The following DCX variants were observed in gnomAD, a reference collection of about 807,000 sequenced individuals.
DCX encodes doublecortin, also known as neuronal migration protein doublecortin.
DCX carries 4 observed loss-of-function variants against 20.9 expected under a neutral mutation model. That is an observed-to-expected ratio of 0.19 (90% CI 0.09 to 0.44). The LOEUF (loss-of-function observed/expected upper bound fraction) is 0.44, where lower values mean the gene tolerates loss of function less well. Ranked by LOEUF, DCX falls within the 20% of genes least tolerant of loss-of-function variation. The pLI is 0.99. For synonymous variants in DCX, 103 were observed against 111.4 expected (o/e 0.92, Z 0.47); for missense variants, 133 against 296.9 (o/e 0.45, Z 4.06).
chrX:111,350,592 A>T (rs1021224182), intron 3 of DCX, among the ~76,000 whole-genome samples: 7 of 111,937 alleles, frequency 6.3e-5, no homozygotes, highest in African/African-American at 2.3e-4. Context: ...AATTTCCACT[A>T]TATCATGTTA....
chrX:111,318,533 A>C (rs1191907762), intron 5 of DCX, among the ~76,000 whole-genome samples: 1 of 110,879 alleles, frequency 9.0e-6, no homozygotes, highest in Non-Finnish European at 1.9e-5. Context: ...TAGCAAAGAC[A>C]TGGAATCAAC....
chrX:111,370,496 CATG>C (rs1230458358), intron 3 of DCX, among the ~76,000 whole-genome samples: 2 of 111,631 alleles, frequency 1.8e-5, no homozygotes, highest in Non-Finnish European at 3.8e-5. Flanking sequence ...TTGTCTATAG[CATG>C]ATATCTCAAC....
rs148042657 is a variant in DCX, at chrX:111,317,120, C to A, written c.947-4384G>T. Among the ~76,000 whole-genome samples the A allele has an allele frequency of 1.4e-3, 156 of 111,843 alleles. 1 individual carries two copies. Among genetic ancestry groups the A allele is most frequent in the African/African-American group, 4.7e-3 (146 of 30,777 alleles). Reference sequence around the variant, plus strand: ...AAAAAAATAGCCCAAATAGCCAAAGCAAGGATAAGCAAAAAGAACAAAGCT... The same window carrying A: ...AAAAAAATAGCCCAAATAGCCAAAGAAAGGATAAGCAAAAAGAACAAAGCT... On this transcript the variant is annotated intron_variant, in intron 5 of 6. Coordinates refer to ENST00000636035, the MANE Select transcript of DCX (RefSeq NM_001195553.2).
chrX:111,401,442 T>C, intron 2 of DCX, 112 bp from the exon 3 acceptor site: 3 of 695,291 alleles, frequency 4.3e-6, no homozygotes, highest in Non-Finnish European at 6.6e-6. Context: ...TAAATGGTGA[T>C]ACTAACCAAC....
At chrX:111,406,516 A>G (rs1348108753) in intron 2 of DCX, among the ~76,000 whole-genome samples, 3 of 111,969 alleles carry the variant, frequency 2.7e-5, no homozygotes, top group Middle Eastern at 4.2e-3. Flanking sequence ...TAGAGAAGGC[A>G]GGTGTTACTA....
chrX:111,397,245 G>C (rs1927391034), intron 3 of DCX, among the ~76,000 whole-genome samples: 2 of 111,272 alleles, frequency 1.8e-5, no homozygotes, highest in African/African-American at 6.5e-5. Context: ...CAGTTATAGT[G>C]AACACTGAAA....
Position 111,331,040 on chromosome X carries a change from T to C in DCX, c.810A>G (p.Glu270=), listed in dbSNP as rs1173454966. ...ATGGGTTTCCCTTCATGACTCGGCA[T>C]TCTGGGGCAAAAGGACACAGACAGC... The part of the protein sequence containing the change: ...AQDDFSLDEN[E]CRVMKGNPSA... Residue 270 remains glutamate, a splice_region_variant and synonymous_variant, in exon 5 of 7, where the codon GAA becomes GAG. Transcript: ENST00000636035. 2 of 1,209,367 alleles carry C rather than the reference T, an allele frequency of 1.7e-6. No homozygotes were observed. Among genetic ancestry groups the C allele is most frequent in the Non-Finnish European group, 2.2e-6 (2 of 894,829 alleles).
At chrX:111,362,568 C>T (rs1924291500) in intron 3 of DCX, among the ~76,000 whole-genome samples, 1 of 111,384 alleles carries the variant, frequency 9.0e-6, no homozygotes, top group African/African-American at 3.3e-5. Flanking sequence ...GCTTTGAGAT[C>T]ATGGGAAAAC....
At chrX:111,364,760 G>A (rs1191658367) in intron 3 of DCX, among the ~76,000 whole-genome samples, 3 of 111,986 alleles carry the variant, frequency 2.7e-5, no homozygotes, top group African/African-American at 6.5e-5. Context: ...CATAATATAC[G>A]TGTAAATGCA....
chrX:111,362,120 G>A (rs1413230910), intron 3 of DCX, among the ~76,000 whole-genome samples: 8 of 111,112 alleles, frequency 7.2e-5, no homozygotes, highest in African/African-American at 2.6e-4. Flanking sequence ...CAGATAAGAG[G>A]TCAAGAGAAG....
chrX:111,357,368 T>A (rs961295367), intron 3 of DCX, among the ~76,000 whole-genome samples: 3 of 112,186 alleles, frequency 2.7e-5, no homozygotes, highest in Non-Finnish European at 5.6e-5. Flanking sequence ...TTTGGTTCCT[T>A]AGGATTCCTC....
intron 4 of DCX, among the ~76,000 whole-genome samples, chrX:111,332,588 G>C (rs1233562502): frequency 9.0e-6 from 1 of 111,613 alleles, no homozygotes; most frequent in Non-Finnish European, 1.9e-5. Flanking sequence ...AGACGAATGG[G>C]GCAGCAAGTC....
chrX:111,303,572 G>C (rs1370956181), intron 6 of DCX, among the ~76,000 whole-genome samples: 1 of 111,867 alleles, frequency 8.9e-6, no homozygotes, highest in Non-Finnish European at 1.9e-5. Flanking sequence ...AGGCACCTTA[G>C]AATGGAAAGA....
At chrX:111,306,870 T>A (rs778563204) in intron 6 of DCX, among the ~76,000 whole-genome samples, 5 of 110,466 alleles carry the variant, frequency 4.5e-5, no homozygotes, top group Non-Finnish European at 9.5e-5. Flanking sequence ...TAAAGGAAAA[T>A]GAAATCACAA....
chrX:111,297,761 G>A lies in DCX; in HGVS notation c.*3926C>T. Reference sequence around the variant, plus strand: ...ACCCTTTTGCCCTGGTTTCTGCTGTGGAAGGCCACAGGAGCAGTGTACACA... The same window carrying A: ...ACCCTTTTGCCCTGGTTTCTGCTGTAGAAGGCCACAGGAGCAGTGTACACA... On this transcript the variant is annotated 3_prime_UTR_variant, in exon 7 of 7. Transcript: ENST00000636035. 1 of 112,018 alleles carries A rather than the reference G, an allele frequency of 8.9e-6. No homozygotes were observed. The highest frequency in any genetic ancestry group is 4.6e-3 in the Middle Eastern group (1 of 218). The allele number at this position is 112,018 out of a possible 1,213,427, so 9.2% of individuals were successfully genotyped here.
chrX:111,321,478 A>G (rs2095086349), intron 5 of DCX, among the ~76,000 whole-genome samples: 1 of 111,593 alleles, frequency 9.0e-6, no homozygotes, highest in Non-Finnish European at 1.9e-5. Flanking sequence ...CCCAAACAGG[A>G]TGGTTGGTAA....
At chrX:111,316,174 C>A (rs1479467719) in intron 5 of DCX, among the ~76,000 whole-genome samples, 5 of 107,800 alleles carry the variant, frequency 4.6e-5, no homozygotes, top group African/African-American at 6.7e-5. Flanking sequence ...AAGCTGGAAG[C>A]ATTCCCCTTG....
intron 6 of DCX, among the ~76,000 whole-genome samples, chrX:111,307,509 G>A (rs2095048207): frequency 9.0e-6 from 1 of 111,273 alleles, no homozygotes; most frequent in African/African-American, 3.3e-5. Context: ...AGGACTAAGA[G>A]TCTGGAGACT....
intron 3 of DCX, among the ~76,000 whole-genome samples, chrX:111,383,138 A>T (rs1419968001): frequency 9.0e-6 from 1 of 111,125 alleles, no homozygotes; most frequent in African/African-American, 3.3e-5. Context: ...GGCCCTCCTA[A>T]GCAAAAATGC....
Sources: gnomAD v4.1 joint callset for allele counts (sites outside exome capture counted in the v4.1 genomes callset) on GRCh38, gnomAD v4.1.1 for gene constraint, MANE v1.5 for transcripts, NCBI Gene and HGNC (gene_info 2026-07-23, HGNC 2026-07-21) for gene names.